Variants in PITPNM2 observed in about 807,000 individuals in gnomAD.
The protein encoded by PITPNM2 is membrane-associated phosphatidylinositol transfer protein 2.
In PITPNM2, 35 loss-of-function variants were observed where a neutral mutation model predicts 132.2. The observed-to-expected ratio is 0.26, with a 90% confidence interval of 0.20 to 0.35. PITPNM2 has a LOEUF of 0.35. Among genes scored for constraint, PITPNM2 ranks in the 10% least tolerant of loss-of-function variants. The pLI is 1.00. For missense variants in PITPNM2, 1,332 were observed against 1,912.0 expected (o/e 0.70, Z 5.66); for synonymous variants, 738 against 799.2 (o/e 0.92, Z 1.29).
intron 1 of PITPNM2, among the ~76,000 whole-genome samples, chr12:123,114,328 T>C (rs2042895484): frequency 6.6e-6 from 1 of 151,864 alleles, no homozygotes. Flanking sequence ...AGAGTAAGTT[T>C]CTCTCTTGTC....
chr12:123,121,696 C>T (rs532196676), intron 1 of PITPNM2, among the ~76,000 whole-genome samples: 1 of 152,020 alleles, frequency 6.6e-6, no homozygotes, highest in Non-Finnish European at 1.5e-5. Flanking sequence ...CAGGCACGCA[C>T]CACTACATCT....
chr12:123,002,816 T>C (rs936486914), intron 8 of PITPNM2, among the ~76,000 whole-genome samples: 4 of 152,248 alleles, frequency 2.6e-5, no homozygotes, highest in African/African-American at 9.6e-5. Context: ...ATATCCATCA[T>C]GTCAAATATT....
At chr12:123,093,291 CTTTA>C (rs1174582417) in intron 2 of PITPNM2, among the ~76,000 whole-genome samples, 2 of 151,986 alleles carry the variant, frequency 1.3e-5, no homozygotes, top group South Asian at 2.1e-4. Context: ...TTAAAAAAAC[CTTTA>C]TTTATTTTTA....
chr12:123,006,487 G>A (rs572923566), intron 6 of PITPNM2, among the ~76,000 whole-genome samples: 2 of 151,596 alleles, frequency 1.3e-5, no homozygotes, highest in Non-Finnish European at 2.9e-5. Flanking sequence ...GATGGCTTGA[G>A]GCCAGGAGCT....
intron 6 of PITPNM2, among the ~76,000 whole-genome samples, chr12:123,007,795 G>A (rs898214805): frequency 1.3e-5 from 2 of 152,098 alleles, no homozygotes; most frequent in African/African-American, 4.8e-5. Context: ...TGGGGTGACC[G>A]GAAGGGCTGG....
At chr12:123,062,187 C>G (rs1484532840) in intron 2 of PITPNM2, among the ~76,000 whole-genome samples, 1 of 152,178 alleles carries the variant, frequency 6.6e-6, no homozygotes, top group Admixed American at 6.5e-5. Context: ...CCCTCCCAGA[C>G]AGGCAGCCAG....
At chr12:123,081,440 G>C (rs1176921848) in intron 2 of PITPNM2, 1 of 152,234 alleles carries the variant, frequency 6.6e-6, no homozygotes, top group Non-Finnish European at 1.5e-5. Context: ...CCTTAATGTG[G>C]TGGCAGAGAC....
rs1016095314 is a variant in PITPNM2 at position 123,002,403 on chromosome 12, T to A, written c.1049-1245A>T. On this transcript the variant is annotated intron_variant, in intron 8 of 25. Coordinates refer to ENST00000320201, the MANE Select transcript of PITPNM2 (RefSeq NM_020845.3). Reference sequence around the variant, plus strand: ...TACTTTATTCCATCTTCACCATTTTTAAAATTTCTTATATATTTTATTTTT... The same window carrying A: ...TACTTTATTCCATCTTCACCATTTTAAAAATTTCTTATATATTTTATTTTT... Among the ~76,000 whole-genome samples, 5 of 152,232 alleles carry A rather than the reference T, an allele frequency of 3.3e-5. No individual in the cohort carries two copies. The East Asian group carries it at 9.6e-4, about 29-fold the overall frequency.
intron 1 of PITPNM2, among the ~76,000 whole-genome samples, chr12:123,125,977 C>T (rs2043132326): frequency 8.1e-6 from 1 of 122,928 alleles, no homozygotes; most frequent in Admixed American, 1.1e-4. Context: ...TCACGCCATT[C>T]TCCTGTCTCA....
At chr12:122,997,874 G>A (rs533994036) in intron 10 of PITPNM2, among the ~76,000 whole-genome samples, 1 of 152,342 alleles carries the variant, frequency 6.6e-6, no homozygotes, top group East Asian at 1.9e-4. Context: ...TGGAGGGAGG[G>A]AGTCCATTCC....
chr12:122,990,529 G>A lies in PITPNM2; in HGVS notation c.2569+16C>T, dbSNP rs766692023. On this transcript the variant is annotated intron_variant, in intron 17 of 25. Transcript: ENST00000320201. ...CCCTGGCTGAGTGAGGAGGGTGAGG[G>A]GCCTGGTATACTCACTCTGGGCGAT... 2 of 1,612,052 alleles carry A rather than the reference G, an allele frequency of 1.2e-6. No homozygotes were observed. The highest frequency in any genetic ancestry group is 1.7e-6 in the Non-Finnish European group (2 of 1,179,696).
At chr12:123,018,044 C>G (rs1258961719) in intron 3 of PITPNM2, among the ~76,000 whole-genome samples, 1 of 142,678 alleles carries the variant, frequency 7.0e-6, no homozygotes, top group East Asian at 2.0e-4. Context: ...TCCTCCCTCC[C>G]TCCCTCCCTC....
intron 1 of PITPNM2, among the ~76,000 whole-genome samples, chr12:123,126,123 C>T (rs1159522144): frequency 6.6e-6 from 1 of 151,920 alleles, no homozygotes; most frequent in Non-Finnish European, 1.5e-5. Context: ...CCTGCCTCGG[C>T]CTCCCAAAGT....
chr12:123,133,759 C>T (rs757401255), intron 1 of PITPNM2, among the ~76,000 whole-genome samples: 6 of 151,548 alleles, frequency 4.0e-5, no homozygotes, highest in Admixed American at 1.3e-4. Context: ...GATGAACTAC[C>T]GAAGGCAATC....
upstream of PITPNM2, among the ~76,000 whole-genome samples, chr12:123,151,658 G>C (rs2043761095): frequency 1.3e-5 from 2 of 152,110 alleles, no homozygotes; most frequent in Non-Finnish European, 2.9e-5. Context: ...AGCTGGAAGA[G>C]GATCACGAAC....
At chr12:123,081,632 A>C (rs1320970611) in intron 2 of PITPNM2, 1 of 152,214 alleles carries the variant, frequency 6.6e-6, no homozygotes, top group South Asian at 2.1e-4. Flanking sequence ...ATCCAGACTC[A>C]GAAAGGGAGG....
At chr12:123,120,899 C>T (rs1459363125) in intron 1 of PITPNM2, among the ~76,000 whole-genome samples, 1 of 152,236 alleles carries the variant, frequency 6.6e-6, no homozygotes, top group Admixed American at 6.5e-5. Context: ...GAAGACCACA[C>T]CCAGATCACT....
At chr12:123,127,068 C>T (rs1031236621) in intron 1 of PITPNM2, among the ~76,000 whole-genome samples, 12 of 152,196 alleles carry the variant, frequency 7.9e-5, no homozygotes, top group South Asian at 2.1e-4. Flanking sequence ...GGAGAATGCA[C>T]GAATGGTTCA....
chr12:122,989,682 C>A (rs1247122152), intron 18 of PITPNM2, 105 bp downstream of exon 18: 6 of 1,139,230 alleles, frequency 5.3e-6, no homozygotes, highest in Non-Finnish European at 6.9e-6. Context: ...CAGCCCCCAG[C>A]TCCCTGTTAG....
Sources: allele counts gnomAD v4.1 joint callset (sites outside exome capture counted in the v4.1 genomes callset), GRCh38; gene constraint gnomAD v4.1.1; transcripts MANE v1.5; gene names NCBI Gene and HGNC (gene_info 2026-07-23, HGNC 2026-07-21).